POLR1B: variants seen among roughly 807,000 people sequenced by gnomAD.
The protein encoded by POLR1B is DNA-directed RNA polymerase I subunit RPA2.
Under a neutral mutation model 105.8 loss-of-function variants are expected in POLR1B, and 30 were observed. That is an observed-to-expected ratio of 0.28 (90% CI 0.21 to 0.38). The LOEUF is 0.38. Ranked by LOEUF, POLR1B falls within the 10% of genes least tolerant of loss-of-function variation. The probability of loss-of-function intolerance (pLI) is 1.00; values close to 1 mark genes in which losing one functional copy is unlikely to be tolerated. For missense variants in POLR1B, 976 were observed against 1,435.8 expected (o/e 0.68, Z 5.17); for synonymous variants, 485 against 505.1 (o/e 0.96, Z 0.53).
At position 112,575,824 on chromosome 2, in the gene POLR1B, A is replaced by T; in HGVS notation, c.*95A>T. ...ATATCATTACCAGGTTACTCTTGAG[A>T]TTTTTCAACGGTGTTAGAACTCTCA... On this transcript the variant is annotated 3_prime_UTR_variant, in exon 15 of 15. Transcript: ENST00000263331. This position sits in a 1 kb window ranked among gnomAD's most constrained non-coding sequence, Gnocchi z 5.3. 7.2e-7 allele frequency: 1 copy of T among 1,383,298 alleles called. No homozygotes were observed. Among genetic ancestry groups the T allele is most frequent in the Non-Finnish European group, 9.8e-7 (1 of 1,021,242 alleles). The allele number at this position is 1,383,298 out of a possible 1,614,324, so 85.7% of individuals were successfully genotyped here.
intron 7 of POLR1B, among the ~76,000 whole-genome samples, chr2:112,556,180 C>CA (rs1427715689): frequency 6.6e-6 from 1 of 152,208 alleles, no homozygotes; most frequent in African/African-American, 2.4e-5. Context: ...ATCTAAACAG[C>CA]AACCAGCAGA....
At chr2:112,549,488 T>C in intron 4 of POLR1B, 89 bp downstream of exon 4, 1 of 1,012,966 alleles carries the variant, frequency 9.9e-7, no homozygotes, top group South Asian at 2.2e-5. Flanking sequence ...TGGTCTTTGA[T>C]ATTTTTGTTT....
intron 6 of POLR1B, among the ~76,000 whole-genome samples, 190 bp downstream of exon 6, chr2:112,552,188 G>A (rs868794788): frequency 3.9e-5 from 6 of 152,070 alleles, no homozygotes; most frequent in Admixed American, 6.6e-5. Flanking sequence ...TTTAGTAGTC[G>A]TGTTTTATTT....
intron 10 of POLR1B, among the ~76,000 whole-genome samples, chr2:112,567,350 T>C (rs565632524): frequency 8.2e-4 from 124 of 152,110 alleles, no homozygotes; most frequent in African/African-American, 2.7e-3. Flanking sequence ...TTTAGGTTTT[T>C]ATTTCTCCTT....
At chr2:112,557,088 G>A (rs2104535503) in intron 7 of POLR1B, among the ~76,000 whole-genome samples, 1 of 152,196 alleles carries the variant, frequency 6.6e-6, no homozygotes, top group East Asian at 1.9e-4. Flanking sequence ...TTTGAGACCA[G>A]CCTAGGCAAC....
At chr2:112,563,437 G>A (rs928214819) in intron 9 of POLR1B, among the ~76,000 whole-genome samples, 4 of 152,210 alleles carry the variant, frequency 2.6e-5, no homozygotes, top group Non-Finnish European at 4.4e-5. Flanking sequence ...AGCATGTGAT[G>A]CTGTTTGATA....
chr2:112,571,227 T>C (rs1684572584), intron 12 of POLR1B, among the ~76,000 whole-genome samples: 1 of 152,214 alleles, frequency 6.6e-6, no homozygotes. Flanking sequence ...GTCTGGGTCA[T>C]CTTAGTATCA....
intron 1 of POLR1B, 185 bp downstream of exon 1, chr2:112,542,856 C>G: frequency 2.9e-6 from 2 of 688,580 alleles, no homozygotes; most frequent in South Asian, 3.8e-5. Flanking sequence ...GGAGTCGAGG[C>G]GTCTTAAGAG....
chr2:112,567,769 G>A (rs1000936681), intron 10 of POLR1B, among the ~76,000 whole-genome samples, 198 bp from the exon 11 acceptor site: 4 of 152,076 alleles, frequency 2.6e-5, no homozygotes, highest in African/African-American at 9.7e-5. Context: ...TTAGTGTATC[G>A]ACACGTGCAT....
upstream of POLR1B, chr2:112,542,132 G>T: frequency 6.5e-7 from 1 of 1,535,738 alleles, no homozygotes; most frequent in African/African-American, 1.4e-5. Context: ...GCTCTCCTCC[G>T]ATCCTAATTG....
At chr2:112,549,449 T>C (rs1444788804) in intron 4 of POLR1B, 50 bp downstream of exon 4, 5 of 1,430,886 alleles carry the variant, frequency 3.5e-6, no homozygotes, top group Non-Finnish European at 4.6e-6. Context: ...TTTAAAACTT[T>C]TTTTTTTTTT....
At chr2:112,568,211 TC>T (rs1684406053) in intron 11 of POLR1B, 74 bp downstream of exon 11, 1 of 1,416,104 alleles carries the variant, frequency 7.1e-7, no homozygotes, top group Non-Finnish European at 9.7e-7. Context: ...ACTTAACTCT[TC>T]CTTTTTTAAA....
chr2:112,547,358 C>G (rs1254064631), intron 2 of POLR1B, 63 bp from the exon 3 acceptor site: 2 of 1,542,678 alleles, frequency 1.3e-6, no homozygotes, highest in African/African-American at 2.8e-5. Flanking sequence ...TTTGAAAATA[C>G]TCATTTGTTC....
chr2:112,559,246 TTTTTCAAAAGA>T, intron 8 of POLR1B, 36 bp from the exon 9 acceptor site: 1 of 1,600,838 alleles, frequency 6.2e-7, no homozygotes, highest in Non-Finnish European at 8.5e-7. Flanking sequence ...ACAATTTCCA[TTTTTCAAAAGA>T]TTGGCCCATT....
Position 112,547,548 on chromosome 2 carries a change from A to C in POLR1B, c.473A>C (p.Glu158Ala). 1 of 1,614,154 alleles carries C rather than the reference A, an allele frequency of 6.2e-7. No homozygotes were observed. Among genetic ancestry groups the C allele is most frequent in the Non-Finnish European group, 8.5e-7 (1 of 1,180,012 alleles). ...AACCTTCCCCCACAAGCCCTCATTG[A>C]GCACCATGAGGAGGCAGAGGTAATG... ...LRNLPPQALI[E>A]HHEEAEEMGG... The change falls in exon 3 of 15, where the codon GAG (glutamate) becomes GCG (alanine). Residue 158 changes from glutamate (E) to alanine (A), a missense_variant. Physicochemically the swap from Glu to Ala is moderately radical, Grantham distance 107. This residue lies in a region of POLR1B where 452 missense variants were observed against 616.5 expected (regional missense o/e 0.73). Transcript: ENST00000263331.
At chr2:112,562,797 C>G (rs577533054) in intron 9 of POLR1B, among the ~76,000 whole-genome samples, 1 of 147,010 alleles carries the variant, frequency 6.8e-6, no homozygotes, top group Non-Finnish European at 1.5e-5. Context: ...GCGATCTCGG[C>G]TCACCGCAAC....
intron 10 of POLR1B, 64 bp downstream of exon 10, chr2:112,564,563 T>C: frequency 1.2e-6 from 2 of 1,606,868 alleles, no homozygotes; most frequent in South Asian, 2.2e-5. Context: ...TCCTTTCTAG[T>C]TTTGGGGTTA....
At chr2:112,567,171 G>A in intron 10 of POLR1B, among the ~76,000 whole-genome samples, 1 of 151,936 alleles carries the variant, frequency 6.6e-6, no homozygotes, top group Admixed American at 6.6e-5. Context: ...ACTTAATTTT[G>A]TTGCATAACT....
chr2:112,566,182 G>T (rs1684264017), intron 10 of POLR1B, among the ~76,000 whole-genome samples: 1 of 152,172 alleles, frequency 6.6e-6, no homozygotes, highest in African/African-American at 2.4e-5. Flanking sequence ...TGAGATTCAA[G>T]ATATTTCAGG....
Sources: gnomAD v4.1 joint callset for allele counts (sites outside exome capture counted in the v4.1 genomes callset) on GRCh38, gnomAD v4.1.1 for gene constraint, gnomAD v4.1.1 regional missense constraint, Gnocchi (gnomAD v3.1) non-coding constraint, MANE v1.5 for transcripts, NCBI Gene and HGNC (gene_info 2026-07-23, HGNC 2026-07-21) for gene names.